FAM83E: variants seen among roughly 807,000 people sequenced by gnomAD.
FAM83E encodes protein FAM83E.
A neutral mutation model predicts 34.3 loss-of-function variants in FAM83E; 29 were observed. The observed-to-expected ratio is 0.85, with a 90% CI of 0.63 to 1.15. FAM83E has a LOEUF of 1.15. FAM83E is among the 50% of genes most tolerant of loss of function. FAM83E has a pLI of 0.00. For missense variants in FAM83E, 697 were observed against 685.0 expected (o/e 1.02, Z -0.20); for synonymous variants, 312 against 311.6 (o/e 1.00, Z -0.01).
In FAM83E at chr19:48,614,722, G is replaced by A. The variant is rs1232493079; in HGVS notation, c.-1270C>T. On this transcript the variant is annotated 5_prime_UTR_variant, in exon 2 of 7. Coordinates refer to ENST00000263266, the MANE Select transcript of FAM83E (RefSeq NM_017708.4). ...CCGGGGCTCACCCACACCGGCTAGTGCCGGGCTCAATGGCCTCCCTTCCAG... is the reference window on the plus strand; with the variant it reads ...CCGGGGCTCACCCACACCGGCTAGTACCGGGCTCAATGGCCTCCCTTCCAG... 5.1e-6 allele frequency: 5 copies of A among 975,952 alleles called. No individual in the cohort carries two copies. The highest frequency in any genetic ancestry group is 4.9e-6 in the Non-Finnish European group (4 of 822,480). 60.5% of individuals were successfully genotyped at this position (975,952 alleles called of 1,614,324 possible).
Position 48,613,111 on chromosome 19 carries a change from C to A in FAM83E, c.262G>T (p.Ala88Ser). ...CCCGCGTCCACATCGGTGGTGGTGG[C>A]TCCCTCTGCCATCCCGCTGGGCTCC... ...KQEPSGMAEG[A>S]TTTDVDAGSL... The change falls in exon 3 of 7, where the codon GCC becomes TCC. Residue 88 changes from alanine (A) to serine (S), a missense_variant. Coordinates refer to ENST00000263266, the MANE Select transcript of FAM83E (RefSeq NM_017708.4). The A allele has an allele frequency of 6.2e-7, 1 of 1,610,804 alleles. No homozygotes were observed.
intron 6 of FAM83E, among the ~76,000 whole-genome samples, chr19:48,601,602 T>C (rs1973816873): frequency 1.3e-5 from 2 of 151,724 alleles, no homozygotes; most frequent in Middle Eastern, 6.8e-3. Context: ...CTATCTCTAC[T>C]AAAAATACAA....
intron 6 of FAM83E, among the ~76,000 whole-genome samples, chr19:48,602,207 G>T (rs1973830509): frequency 6.7e-6 from 1 of 149,088 alleles, no homozygotes; most frequent in Non-Finnish European, 1.5e-5. Flanking sequence ...TAAGGGAGAA[G>T]GTGAGGGAGG....
At chr19:48,612,297 G>A (rs1407800619) in intron 3 of FAM83E, among the ~76,000 whole-genome samples, 1 of 152,064 alleles carries the variant, frequency 6.6e-6, no homozygotes, top group Non-Finnish European at 1.5e-5. Flanking sequence ...GCTTGGTGAT[G>A]AGGGGATGGG....
chr19:48,609,186 G>A (rs534056473), intron 5 of FAM83E, among the ~76,000 whole-genome samples: 25 of 151,780 alleles, frequency 1.6e-4, no homozygotes, highest in African/African-American at 5.8e-4. Flanking sequence ...TCTGGTCCCA[G>A]AGGCCACACC....
At chr19:48,607,085 G>A (rs1341662783) in intron 5 of FAM83E, 1 of 1,613,132 alleles carries the variant, frequency 6.2e-7, no homozygotes, top group Non-Finnish European at 8.5e-7. Flanking sequence ...CAGTGTCCTG[G>A]TACCTACATG....
chr19:48,606,268 G>A (rs543732456), intron 5 of FAM83E, among the ~76,000 whole-genome samples: 13 of 152,234 alleles, frequency 8.5e-5, no homozygotes, highest in Admixed American at 6.5e-4. Context: ...CTGAGATCAC[G>A]CCACTGCACT....
At position 48,614,832 on chromosome 19, in the gene FAM83E, G is replaced by C; in HGVS notation, c.-1380C>G. On this transcript the variant is annotated 5_prime_UTR_variant, in exon 2 of 7. Coordinates refer to ENST00000263266, the MANE Select transcript of FAM83E (RefSeq NM_017708.4). ...CCCGGCTTCTGGCCTCACTCATCAG[G>C]CCTCGACCTGGAATCCAGGGAGCCC... 9.2e-6 allele frequency: 9 copies of C among 980,312 alleles called. No homozygotes were observed. Among genetic ancestry groups the C allele is most frequent in the Non-Finnish European group, 8.5e-6 (7 of 825,204 alleles). 60.7% of individuals were successfully genotyped at this position (980,312 alleles called of 1,614,324 possible). A position where few individuals can be genotyped will look rare whatever the true frequency, so the allele number is the denominator to read the frequency against.
In FAM83E at chr19:48,603,774, G is replaced by A; in HGVS notation, c.896C>T (p.Pro299Leu). 2 of 1,588,460 alleles carry A rather than the reference G, an allele frequency of 1.3e-6. No individual in the cohort carries two copies. The highest frequency in any genetic ancestry group is 1.1e-5 in the South Asian group (1 of 88,116). ...CCGCTGCAGGCCACCTATGACCGAG[G>A]GTTTCTGGGGGGGCGCAGGTGGGAG... ...CPLPPAPPQK[P>L]SVIGGLQRGR... The change falls in exon 6 of 7, where the codon CCC (proline) becomes CTC (leucine). Residue 299 changes from proline to leucine, a missense_variant. Physicochemically the swap from Pro to Leu is moderately conservative, Grantham distance 98. Transcript: ENST00000263266.
At chr19:48,601,430 G>T (rs1234952142) in intron 6 of FAM83E, 61 bp from the exon 7 acceptor site, 11 of 1,532,512 alleles carry the variant, frequency 7.2e-6, no homozygotes, top group Non-Finnish European at 9.7e-6. Context: ...GGGCATCCCA[G>T]ATCCAGGGAA....
chr19:48,608,874 A>T (rs946983916), intron 5 of FAM83E, among the ~76,000 whole-genome samples: 1 of 151,388 alleles, frequency 6.6e-6, no homozygotes, highest in African/African-American at 2.4e-5. Flanking sequence ...CTGTCTGGAG[A>T]GGTTTTCGGT....
In FAM83E at chr19:48,609,967, A is replaced by G; in HGVS notation, c.667T>C (p.Phe223Leu). Residue 223 changes from phenylalanine (F) to leucine (L), a missense_variant, in exon 5 of 7, where the codon TTC becomes CTC. By Grantham distance (22) the Phe-to-Leu change is conservative (BLOSUM62 0). Transcript: ENST00000263266. ...ACCTGCCGTCGCCAGCGGCTCTGGA[A>G]GCTGCAGCCCCGCACGACACGGACA... is the stretch of plus-strand genomic sequence containing the variant. ...VDVRVVRGCS[F>L]QSRWRRQVSG... 3.1e-6 allele frequency: 5 copies of G among 1,613,022 alleles called. No homozygotes were observed. Among genetic ancestry groups the G allele is most frequent in the Non-Finnish European group, 4.2e-6 (5 of 1,179,994 alleles).
In FAM83E at chr19:48,603,593, G is replaced by A. The variant is rs974627584; in HGVS notation, c.1077C>T (p.Arg359=). The change falls in exon 6 of 7, where the codon CGC becomes CGT. Residue 359 remains arginine (R), a synonymous_variant. Transcript: ENST00000263266. The stretch of plus-strand genomic sequence containing the variant: ...CCGGGGGGCCGCTGGGGGTCCGGGC[G>A]CGCTGCACACTCCTTAGAATGTCAC... The part of the protein sequence containing the change: ...ALSDILRSVQ[R]ARTPSGPPAR... The A allele has an allele frequency of 9.1e-6, 14 of 1,536,702 alleles. No individual in the cohort carries two copies. The highest frequency in any genetic ancestry group is 2.9e-5 in the African/African-American group (2 of 69,900).
intron 6 of FAM83E, 89 bp from the exon 7 acceptor site, chr19:48,601,458 G>A: frequency 6.7e-7 from 1 of 1,503,512 alleles, no homozygotes. Flanking sequence ...GGTGAGGCAA[G>A]AGAGAAGCAG....
In FAM83E at chr19:48,603,866, C is replaced by T. The variant is rs372449398; in HGVS notation, c.804G>A (p.Leu268=). The T allele has an allele frequency of 3.1e-5, 50 of 1,608,186 alleles. 1 individual carries two copies. In the African/African-American group the frequency reaches 5.6e-4, roughly 18 times the overall value. The change falls in exon 6 of 7, where the codon CTG becomes CTA. Residue 268 remains leucine (L), a synonymous_variant. Coordinates refer to ENST00000263266, the MANE Select transcript of FAM83E (RefSeq NM_017708.4). ...DARLHRGLVT[L]LTGEIVDAFS... ...AGGCGTCAACAATTTCACCAGTCAGCAGGGTCACCAGGCCTCGGTGCAGGC... is the reference window on the plus strand; with the variant it reads ...AGGCGTCAACAATTTCACCAGTCAGTAGGGTCACCAGGCCTCGGTGCAGGC...
At chr19:48,610,246 A>G (rs775531804) in intron 4 of FAM83E, among the ~76,000 whole-genome samples, 6 of 152,074 alleles carry the variant, frequency 3.9e-5, no homozygotes, top group Admixed American at 2.0e-4. Flanking sequence ...TAAAAATACA[A>G]AAGTTAGCCA....
In FAM83E at chr19:48,603,055, T is replaced by A. The variant is rs1252826561; in HGVS notation, c.1176+439A>T. Among the ~76,000 whole-genome samples, 6 of 151,736 alleles carry A rather than the reference T, an allele frequency of 4.0e-5. No homozygotes were observed. The South Asian group carries it at 1.3e-3, about 32-fold the overall frequency. ...TTTTAGTAGAGATAGGGTTTCACTA[T>A]GCTGGCCAGGCTGGTCTCGATCTCC... On this transcript the variant is annotated intron_variant, in intron 6 of 6. Transcript: ENST00000263266.
intron 5 of FAM83E, among the ~76,000 whole-genome samples, chr19:48,609,265 C>CTTTTTTTT (rs869031073): frequency 9.9e-3 from 988 of 99,702 alleles, no homozygotes; most frequent in Non-Finnish European, 0.012. Flanking sequence ...TTCTTTCTTT[C>CTTTTTTTT]TTTTTTTTTT....
At chr19:48,614,658 C>A in intron 2 of FAM83E, 31 bp from the exon 3 acceptor site, 1 of 985,980 alleles carries the variant, frequency 1.0e-6, no homozygotes, top group African/African-American at 1.7e-5. Flanking sequence ...TCAAGGCAGG[C>A]CAGCCTCCCC....
Sources: allele counts gnomAD v4.1 joint callset (sites outside exome capture counted in the v4.1 genomes callset), GRCh38; gene constraint gnomAD v4.1.1; transcripts MANE v1.5; gene names NCBI Gene and HGNC (gene_info 2026-07-23, HGNC 2026-07-21).